The following CMTM4 variants were observed in gnomAD, a reference collection of about 807,000 sequenced individuals.
The protein encoded by CMTM4 is CKLF-like MARVEL transmembrane domain-containing protein 4.
In CMTM4, 8 loss-of-function variants were observed where a neutral mutation model predicts 19.0. The ratio of observed to expected loss-of-function variants is 0.42; its 90% CI spans 0.25 to 0.76. The LOEUF is 0.76. Ranked by LOEUF, CMTM4 falls within the 30% of genes least tolerant of loss-of-function variation. The probability of loss-of-function intolerance (pLI) is 0.27; values close to 1 mark genes in which losing one functional copy is unlikely to be tolerated. For missense variants in CMTM4, 228 were observed against 290.2 expected, an observed-to-expected ratio of 0.79 and a Z score of 1.56; for synonymous variants, 106 against 121.1, an observed-to-expected ratio of 0.88 and a Z score of 0.82.
intron 1 of CMTM4, among the ~76,000 whole-genome samples, chr16:66,683,137 ATATATATATG>A (rs1310550220): frequency 6.7e-5 from 9 of 134,974 alleles, no homozygotes; most frequent in Non-Finnish European, 1.3e-4. Context: ...GTGTATATAT[ATATATATATG>A]TATATATATA....
In CMTM4 at chr16:66,623,319, G is replaced by C. The variant is rs1596902313; in HGVS notation, c.462+85C>G. 3 of 909,682 alleles carry C rather than the reference G, an allele frequency of 3.3e-6. No homozygotes were observed. In the East Asian group the frequency reaches 7.7e-5, roughly 23 times the overall value. The allele number at this position is 909,682 out of a possible 1,614,324, so 56.4% of individuals were successfully genotyped here. On this transcript the variant is annotated intron_variant, in intron 3 of 3. Coordinates refer to ENST00000394106, the MANE Select transcript of CMTM4 (RefSeq NM_181521.3). ...TTTAGCAAAGAAAAGCCACAGGAGG[G>C]GGAGCAGGACACATGCCAGGGACAG...
intron 1 of CMTM4, among the ~76,000 whole-genome samples, chr16:66,645,333 A>C (rs1005376618): frequency 6.6e-6 from 1 of 151,494 alleles, no homozygotes; most frequent in Non-Finnish European, 1.5e-5. Context: ...CAATCCCAGC[A>C]CTTTGGGAGG....
chr16:66,609,311 C>A, the CMTM4 span: 1 of 784,988 alleles, frequency 1.3e-6, no homozygotes, highest in Non-Finnish European at 2.1e-6. The surrounding 1 kb of genome is among the most constrained non-coding windows in gnomAD (Gnocchi z 4.4). Flanking sequence ...TGGGTGGGGC[C>A]AGGATGGGAT....
intron 1 of CMTM4, among the ~76,000 whole-genome samples, chr16:66,691,036 G>C (rs1243365352): frequency 6.6e-6 from 1 of 152,134 alleles, no homozygotes; most frequent in African/African-American, 2.4e-5. Context: ...AGGCTCCCTT[G>C]AGCCCAGAAG....
rs1034689079 is a variant in CMTM4, at chr16:66,621,174, G to A, written c.*884C>T. ...TGTGTGTGCATGTGTGCGCGCACGC[G>A]TGTGCATGCTGTTTTTTAACACAAA... On this transcript the variant is annotated 3_prime_UTR_variant, in exon 4 of 4. Transcript: ENST00000394106. 2.4e-5 allele frequency: 24 copies of A among 985,548 alleles called. No homozygotes were observed. The highest frequency in any genetic ancestry group is 1.1e-4 in the East Asian group (1 of 8,806). The allele number at this position is 985,548 out of a possible 1,614,324, so 61.1% of individuals were successfully genotyped here.
rs1245193591 is a variant in CMTM4, at chr16:66,618,994, T to C, written c.*3064A>G. On this transcript the variant is annotated 3_prime_UTR_variant, in exon 4 of 4. Coordinates refer to ENST00000394106, the MANE Select transcript of CMTM4 (RefSeq NM_181521.3). ...TATTGGGGCTGTGCAGGCTGCCACA[T>C]TCTTGCTTTTTCTGTAGACAAAAGT... The C allele has an allele frequency of 1.0e-6, 1 of 985,364 alleles. No individual in the cohort carries two copies. The highest frequency in any genetic ancestry group is 1.2e-6 in the Non-Finnish European group (1 of 829,940). 61.0% of individuals were successfully genotyped at this position (985,364 alleles called of 1,614,324 possible).
rs1448446258 is a variant in CMTM4 at position 66,619,946 on chromosome 16, A to T, written c.*2112T>A. The T allele has an allele frequency of 1.0e-6, 1 of 985,266 alleles. No homozygotes were observed. The highest frequency in any genetic ancestry group is 1.2e-6 in the Non-Finnish European group (1 of 829,940). 61.0% of individuals were successfully genotyped at this position (985,266 alleles called of 1,614,324 possible). ...ATTTAGTTTCAGTGACTTCAGAACT[A>T]TTTCTTGCAGCTGACAACATATCCT... On this transcript the variant is annotated 3_prime_UTR_variant, in exon 4 of 4. Transcript: ENST00000394106.
At chr16:66,684,106 A>G (rs932348078) in intron 1 of CMTM4, among the ~76,000 whole-genome samples, 1 of 152,148 alleles carries the variant, frequency 6.6e-6, no homozygotes, top group Admixed American at 6.5e-5. Context: ...TGTAAGCAGA[A>G]ATCTGCCTTA....
At chr16:66,667,967 GT>G (rs1228825396) in intron 1 of CMTM4, among the ~76,000 whole-genome samples, 1 of 149,074 alleles carries the variant, frequency 6.7e-6, no homozygotes, top group Admixed American at 6.9e-5. Context: ...ACTTTTCCCT[GT>G]TTTTTTGTTT....
At chr16:66,624,561 G>A (rs952795455) in intron 2 of CMTM4, among the ~76,000 whole-genome samples, 2 of 152,208 alleles carry the variant, frequency 1.3e-5, no homozygotes. Flanking sequence ...GAGGTCAGGT[G>A]TTCGAGAACA....
In CMTM4 at chr16:66,629,851, G is replaced by A. The variant is rs1212263400; in HGVS notation, c.364-6349C>T. On this transcript the variant is annotated intron_variant, in intron 2 of 3. Transcript: ENST00000394106. ...GAACGATGGGGTCTGGGGAGCTTCT[G>A]AGTGGAGCTCATTCTGACTCCATAA... Among the ~76,000 whole-genome samples the A allele has an allele frequency of 2.0e-5, 3 of 152,344 alleles. No individual in the cohort carries two copies. The East Asian group carries it at 5.8e-4, about 29-fold the overall frequency.
At chr16:66,603,442 C>G in the CMTM4 span, among the ~76,000 whole-genome samples, 1 of 152,120 alleles carries the variant, frequency 6.6e-6, no homozygotes, top group Non-Finnish European at 1.5e-5. Flanking sequence ...CACGGTGCCA[C>G]CACGCCCAGC....
Position 66,696,513 on chromosome 16 carries a change from C to T in CMTM4, c.13G>A (p.Glu5Lys). ...TCGCCCTCGAAGCCGTCCAGCTCCT[C>T]GCCGCTCCGCATGCTGCCGCCCGGC... MRSG[E>K]ELDGFEGEAS... Residue 5 changes from glutamate to lysine, a missense_variant, in exon 1 of 4, where the codon GAG (glutamate) becomes AAG (lysine). Glu to Lys is a moderately conservative substitution (Grantham distance 56). Around this residue, in one of 3 missense-constraint regions of CMTM4, gnomAD observed 21 missense variants for 43.1 expected, o/e 0.49. Transcript: ENST00000394106. This position sits in a 1 kb window ranked among gnomAD's most constrained non-coding sequence, Gnocchi z 4.3. 8.3e-7 allele frequency: 1 copy of T among 1,206,996 alleles called. No homozygotes were observed. The highest frequency in any genetic ancestry group is 1.0e-6 in the Non-Finnish European group (1 of 971,252). 74.8% of individuals were successfully genotyped at this position (1,206,996 alleles called of 1,614,324 possible).
chr16:66,623,799 T>C (rs546114377), intron 2 of CMTM4, among the ~76,000 whole-genome samples: 3 of 152,334 alleles, frequency 2.0e-5, no homozygotes, highest in South Asian at 4.1e-4. Flanking sequence ...TCTGGTGCCA[T>C]CTTTTAAAAA....
intron 1 of CMTM4, among the ~76,000 whole-genome samples, chr16:66,674,313 G>A (rs2016765908): frequency 6.6e-6 from 1 of 152,116 alleles, no homozygotes; most frequent in African/African-American, 2.4e-5. Flanking sequence ...GCTTACTAGT[G>A]AGTCCTGCAG....
At chr16:66,659,092 A>T (rs562895291) in intron 1 of CMTM4, among the ~76,000 whole-genome samples, 157 of 152,248 alleles carry the variant, frequency 1.0e-3, no homozygotes, top group African/African-American at 3.6e-3. Context: ...TTAAAATCAC[A>T]CTAGAGGCTG....
At chr16:66,608,335 CTA>C in the CMTM4 span, 1 of 1,614,222 alleles carries the variant, frequency 6.2e-7, no homozygotes, top group Non-Finnish European at 8.5e-7. The surrounding 1 kb of genome is among the most constrained non-coding windows in gnomAD (Gnocchi z 5.1). Context: ...CTTTTATCTG[CTA>C]TGTGGCGTCC....
At chr16:66,614,074 G>C (rs890444827), downstream of CMTM4, among the ~76,000 whole-genome samples, 1 of 152,176 alleles carries the variant, frequency 6.6e-6, no homozygotes, top group South Asian at 2.1e-4. This position sits in a 1 kb window ranked among gnomAD's most constrained non-coding sequence, Gnocchi z 4.9. Flanking sequence ...ACCTAGATCC[G>C]TAGCATGCAC....
chr16:66,688,478 G>C (rs972772949), intron 1 of CMTM4, among the ~76,000 whole-genome samples: 4 of 151,778 alleles, frequency 2.6e-5, no homozygotes, highest in African/African-American at 9.7e-5. Context: ...AAAGTCTCAT[G>C]GCCGATAAGA....
Sources: allele counts gnomAD v4.1 joint callset (sites outside exome capture counted in the v4.1 genomes callset), GRCh38; gene constraint gnomAD v4.1.1; regional missense constraint gnomAD v4.1.1; non-coding constraint Gnocchi (gnomAD v3.1); transcripts MANE v1.5; gene names NCBI Gene and HGNC (gene_info 2026-07-23, HGNC 2026-07-21).